The following ZNF423 variants were observed in gnomAD, a reference collection of about 807,000 sequenced individuals.
ZNF423 encodes Ebf-associated zinc finger protein.
ZNF423 carries 12 observed loss-of-function variants against 95.8 expected under a neutral mutation model. That is an observed-to-expected ratio of 0.13 (90% confidence interval 0.08 to 0.20). The LOEUF (loss-of-function observed/expected upper bound fraction) is 0.20. Ranked by LOEUF, ZNF423 falls within the 10% of genes least tolerant of loss-of-function variation. The pLI is 1.00. For synonymous variants in ZNF423, 749 were observed against 711.9 expected (o/e 1.05, Z -0.83); for missense variants, 1,316 against 1,737.1 (o/e 0.76, Z 4.31).
intron 5 of ZNF423, among the ~76,000 whole-genome samples, chr16:49,615,128 T>TCACACACACACACACACA (rs557190259): frequency 9.6e-4 from 95 of 98,532 alleles, no homozygotes; most frequent in African/African-American, 3.1e-3. Flanking sequence ...AGAAACTCCA[T>TCACACACACACACACACA]CTCACACACA....
chr16:49,832,172 C>A (rs1314624754), intron 1 of ZNF423, among the ~76,000 whole-genome samples: 1 of 152,126 alleles, frequency 6.6e-6, no homozygotes, highest in East Asian at 1.9e-4. Flanking sequence ...CAACTCCAGC[C>A]CTGAAGCTTT....
At chr16:49,700,005 G>A (rs570365115) in intron 3 of ZNF423, among the ~76,000 whole-genome samples, 50 of 152,156 alleles carry the variant, frequency 3.3e-4, no homozygotes, top group African/African-American at 1.1e-3. Context: ...AGACAGGGGC[G>A]AGGGGCTGGG....
chr16:49,756,479 G>A (rs556300159), intron 2 of ZNF423, among the ~76,000 whole-genome samples: 51 of 152,294 alleles, frequency 3.3e-4, no homozygotes, highest in African/African-American at 1.2e-3. Context: ...ACACTGATAC[G>A]GAATTGGACC....
At chr16:49,696,681 C>A (rs368186547) in intron 3 of ZNF423, among the ~76,000 whole-genome samples, 2 of 151,556 alleles carry the variant, frequency 1.3e-5, no homozygotes, top group Non-Finnish European at 2.9e-5. Context: ...CATTGTGCAG[C>A]CTGACTGGGC....
chr16:49,837,010 A>G (rs2035127398), intron 1 of ZNF423, among the ~76,000 whole-genome samples: 1 of 152,204 alleles, frequency 6.6e-6, no homozygotes, highest in Non-Finnish European at 1.5e-5. Flanking sequence ...TTCCCAATTC[A>G]AAGTGGACTG....
rs1397780116 is a variant in ZNF423, at chr16:49,635,255, C to T, written c.3516+405G>A. 6.6e-6 allele frequency among the ~76,000 whole-genome samples: 1 copy of T among 152,156 alleles called. No individual in the cohort carries two copies. Among genetic ancestry groups the T allele is most frequent in the Non-Finnish European group, 1.5e-5 (1 of 68,036 alleles). On this transcript the variant is annotated intron_variant, in intron 4 of 7. Transcript: ENST00000563137. The surrounding 1 kb of genome is among the most constrained non-coding windows in gnomAD (Gnocchi z 4.8). ...GACTTGCCTAAGGAGACCCAATAAG[C>T]AAATGAGTATGTCATACCCCAGCTC...
At chr16:49,611,633 TAAG>T (rs1971725651) in intron 5 of ZNF423, among the ~76,000 whole-genome samples, 1 of 151,480 alleles carries the variant, frequency 6.6e-6, no homozygotes, top group Non-Finnish European at 1.5e-5. Context: ...CAGAAAATAA[TAAG>T]GAAAAGATCA....
chr16:49,810,905 C>T (rs1000950838), intron 1 of ZNF423, among the ~76,000 whole-genome samples: 4 of 151,994 alleles, frequency 2.6e-5, no homozygotes, highest in African/African-American at 4.8e-5. Flanking sequence ...GCTGAGAGTC[C>T]GGCCACAAGA....
intron 1 of ZNF423, among the ~76,000 whole-genome samples, chr16:49,820,840 G>A (rs1426244450): frequency 6.6e-6 from 1 of 152,248 alleles, no homozygotes; most frequent in African/African-American, 2.4e-5. Context: ...ACCTTGGGTA[G>A]TAGATTGAAG....
intron 7 of ZNF423, among the ~76,000 whole-genome samples, chr16:49,495,524 T>A: frequency 6.6e-6 from 1 of 152,218 alleles, no homozygotes; most frequent in East Asian, 1.9e-4. Flanking sequence ...TCATGGTTGC[T>A]CATTCATTCA....
intron 1 of ZNF423, among the ~76,000 whole-genome samples, chr16:49,834,276 G>A (rs778622037): frequency 1.3e-5 from 2 of 152,078 alleles, no homozygotes; most frequent in African/African-American, 4.8e-5. Context: ...AATACAGATT[G>A]AGACAGCATG....
At chr16:49,657,562 G>A (rs1756178877) in intron 3 of ZNF423, among the ~76,000 whole-genome samples, 1 of 152,204 alleles carries the variant, frequency 6.6e-6, no homozygotes, top group African/African-American at 2.4e-5. Flanking sequence ...ATGCCCCCAG[G>A]GGCAACCTTC....
chr16:49,759,391 G>A (rs34383370), intron 2 of ZNF423, among the ~76,000 whole-genome samples: 28,577 of 150,842 alleles, frequency 0.19, 2,856 homozygotes, highest in East Asian at 0.29. Flanking sequence ...AGGGCGAGAC[G>A]CCACCTCAGA....
chr16:49,815,781 C>G (rs1308069828), intron 1 of ZNF423, among the ~76,000 whole-genome samples: 1 of 149,416 alleles, frequency 6.7e-6, no homozygotes, highest in Non-Finnish European at 1.5e-5. Flanking sequence ...GGAACTTGAT[C>G]TCCTGATTGC....
intron 5 of ZNF423, among the ~76,000 whole-genome samples, chr16:49,619,784 G>A (rs916601536): frequency 6.6e-6 from 1 of 152,126 alleles, no homozygotes; most frequent in Non-Finnish European, 1.5e-5. Flanking sequence ...ACACAGCCCG[G>A]TTCAGCAACA....
rs566818324 is a variant in ZNF423, at chr16:49,515,246, C to T, written c.3849+8378G>A. ...GGCCCCGCGCGCACAGGCCCCATGG[C>T]GTTCCCACCTGGGCTCACCCAGGAG... On this transcript the variant is annotated intron_variant, in intron 7 of 7. Coordinates refer to ENST00000563137, the MANE Select transcript of ZNF423 (RefSeq NM_001379286.1). Among the ~76,000 whole-genome samples, 110 of 152,356 alleles carry T rather than the reference C, an allele frequency of 7.2e-4. 1 individual carries two copies. Among genetic ancestry groups the T allele is most frequent in the African/African-American group, 2.5e-3 (104 of 41,592 alleles).
chr16:49,801,062 A>G (rs2034575350), intron 1 of ZNF423, among the ~76,000 whole-genome samples: 2 of 152,258 alleles, frequency 1.3e-5, no homozygotes, highest in Non-Finnish European at 2.9e-5. Context: ...AAAGGCAGGA[A>G]CCCACGTGAA....
chr16:49,828,372 A>G (rs1247653134), intron 1 of ZNF423, among the ~76,000 whole-genome samples: 1 of 152,240 alleles, frequency 6.6e-6, no homozygotes, highest in African/African-American at 2.4e-5. Context: ...TTCCCCATGT[A>G]ACTTGTGATG....
intron 3 of ZNF423, among the ~76,000 whole-genome samples, chr16:49,714,264 A>G: frequency 6.6e-6 from 1 of 152,052 alleles, no homozygotes; most frequent in Admixed American, 6.5e-5. Context: ...TTACCTCCTT[A>G]TTATCTGTTT....
Sources: allele counts gnomAD v4.1 joint callset (sites outside exome capture counted in the v4.1 genomes callset), GRCh38; gene constraint gnomAD v4.1.1; non-coding constraint Gnocchi (gnomAD v3.1); transcripts MANE v1.5; gene names NCBI Gene and HGNC (gene_info 2026-07-23, HGNC 2026-07-21).